MYO5B: variants seen among roughly 807,000 people sequenced by gnomAD.
MYO5B encodes the protein unconventional myosin-Vb.
In MYO5B, 143 loss-of-function variants were observed where a neutral mutation model predicts 229.3. The ratio of observed to expected loss-of-function variants is 0.62; its 90% CI spans 0.54 to 0.72. The LOEUF is 0.72. Among genes scored for constraint, MYO5B ranks in the 30% least tolerant of loss-of-function variants. The pLI is 0.00. For synonymous variants in MYO5B, 918 were observed against 885.2 expected (o/e 1.04, Z -0.66); for missense variants, 2,321 against 2,331.0 (o/e 1.00, Z 0.09).
rs542233560 is a variant in MYO5B, at chr18:49,937,087, T to C, written c.1905+158A>G. 7.2e-5 allele frequency among the ~76,000 whole-genome samples: 11 copies of C among 152,316 alleles called. No individual in the cohort carries two copies. The South Asian group carries it at 2.3e-3, about 32-fold the overall frequency. On this transcript the variant is annotated intron_variant, in intron 15 of 39. Coordinates refer to ENST00000285039, the MANE Select transcript of MYO5B (RefSeq NM_001080467.3). Reference sequence around the variant, plus strand: ...TCCTTGTGGTGAAGGTATTGGAGTTTCCTTCTTCTAAGGACACAAGATAGA... The same window carrying C: ...TCCTTGTGGTGAAGGTATTGGAGTTCCCTTCTTCTAAGGACACAAGATAGA...
intron 4 of MYO5B, among the ~76,000 whole-genome samples, chr18:50,032,179 T>C (rs1367286009): frequency 6.6e-6 from 1 of 152,222 alleles, no homozygotes; most frequent in East Asian, 1.9e-4. Context: ...CCATGTCTTT[T>C]TGTTTATAAT....
At position 49,835,328 on chromosome 18, in the gene MYO5B, C is replaced by T. The variant is rs1358662736; in HGVS notation, c.5394+16G>A. 2.5e-6 allele frequency: 4 copies of T among 1,582,844 alleles called. No homozygotes were observed. Among genetic ancestry groups the T allele is most frequent in the Non-Finnish European group, 3.5e-6 (4 of 1,153,232 alleles). ...TCGTAGACTGGACTTTATAAAATTA[C>T]TATCTTAAAACTCACCTGGATTGTT... On this transcript the variant is annotated intron_variant, in intron 39 of 39. Transcript: ENST00000285039.
At position 49,906,499 on chromosome 18, in the gene MYO5B, C is replaced by G. The variant is rs769200828; in HGVS notation, c.2334G>C (p.Trp778Cys). Residue 778 changes from tryptophan (W) to cysteine (C), a missense_variant, in exon 19 of 40, where the codon TGG (tryptophan) becomes TGC (cysteine). Physicochemically the swap from Trp to Cys is radical, Grantham distance 215 (BLOSUM62 -2). This residue lies in a region of MYO5B where 2,113 missense variants were observed against 2,044.7 expected (regional missense o/e 1.03). Coordinates refer to ENST00000285039, the MANE Select transcript of MYO5B (RefSeq NM_001080467.3). ...TIMIQKTVRG[W>C]LQKVKYHRLK... ...GCCTGTGATATTTCACCTTCTGCAGCCATCCCCGGACAGTTTTCTGGATCA... is the reference window on the plus strand; with the variant it reads ...GCCTGTGATATTTCACCTTCTGCAGGCATCCCCGGACAGTTTTCTGGATCA... 5 of 1,614,202 alleles carry G rather than the reference C, an allele frequency of 3.1e-6. No homozygotes were observed. In the Admixed American group the frequency reaches 8.3e-5, roughly 27 times the overall value.
chr18:49,876,751 G>C (rs2144101285), intron 25 of MYO5B, among the ~76,000 whole-genome samples: 1 of 152,342 alleles, frequency 6.6e-6, no homozygotes, highest in African/African-American at 2.4e-5. Flanking sequence ...CAAGCCAGCA[G>C]TTATGCAAGG....
At chr18:49,953,549 T>C (rs1217196860) in intron 13 of MYO5B, among the ~76,000 whole-genome samples, 1 of 152,204 alleles carries the variant, frequency 6.6e-6, no homozygotes, top group Non-Finnish European at 1.5e-5. Flanking sequence ...AAGAAATTGT[T>C]TTAAAGGGAG....
intron 2 of MYO5B, among the ~76,000 whole-genome samples, chr18:50,042,248 G>A (rs902070844): frequency 5.3e-5 from 8 of 151,958 alleles, no homozygotes; most frequent in African/African-American, 1.9e-4. Flanking sequence ...TATAGATAGT[G>A]AAAGAAAAAC....
At chr18:50,086,311 T>C (rs2144480619) in intron 1 of MYO5B, among the ~76,000 whole-genome samples, 1 of 152,348 alleles carries the variant, frequency 6.6e-6, no homozygotes, top group Non-Finnish European at 1.5e-5. Flanking sequence ...CATATCTATG[T>C]CTGTGTACCA....
At chr18:50,047,517 T>G (rs1251755893) in intron 2 of MYO5B, among the ~76,000 whole-genome samples, 1 of 152,214 alleles carries the variant, frequency 6.6e-6, no homozygotes, top group Non-Finnish European at 1.5e-5. Flanking sequence ...TCAACCATTG[T>G]GGAAGTCAGT....
chr18:49,847,127 T>C lies in MYO5B; in HGVS notation c.4459+19A>G. The C allele has an allele frequency of 6.2e-7, 1 of 1,613,488 alleles. No homozygotes were observed. The highest frequency in any genetic ancestry group is 8.5e-7 in the Non-Finnish European group (1 of 1,179,850). ...TGAAGGAGGGGCAGGCAGCATAGGGTGGCACAGAGGGTCCTTACCTGTCAC... is the reference window on the plus strand; with the variant it reads ...TGAAGGAGGGGCAGGCAGCATAGGGCGGCACAGAGGGTCCTTACCTGTCAC... On this transcript the variant is annotated intron_variant, in intron 33 of 39. Transcript: ENST00000285039.
Position 49,837,557 on chromosome 18 carries a change from G to C in MYO5B, c.5098C>G (p.Arg1700Gly), listed in dbSNP as rs772909385. The C allele has an allele frequency of 1.2e-6, 2 of 1,611,382 alleles. No homozygotes were observed. The highest frequency in any genetic ancestry group is 2.2e-5 in the East Asian group (1 of 44,888). Residue 1700 changes from arginine (R) to glycine (G), a missense_variant, in exon 37 of 40, where the codon CGG (arginine) becomes GGG (glycine). Arg to Gly is a moderately radical substitution (Grantham distance 125, BLOSUM62 -2). This residue lies in a region of MYO5B where 208 missense variants were observed against 286.3 expected (regional missense o/e 0.73). Coordinates refer to ENST00000285039, the MANE Select transcript of MYO5B (RefSeq NM_001080467.3). Reference sequence around the variant, plus strand: ...GTGCTCCAAGAGCAGACGTCCTTCCGCAAGAGCAGGTTGTTAAGAGTCACT... The same window carrying C: ...GTGCTCCAAGAGCAGACGTCCTTCCCCAAGAGCAGGTTGTTAAGAGTCACT... ...NAVTLNNLLL[R>G]KDVCSWSTGM...
chr18:50,172,205 C>T (rs1385500035), intron 1 of MYO5B, among the ~76,000 whole-genome samples: 1 of 148,498 alleles, frequency 6.7e-6, no homozygotes, highest in Non-Finnish European at 1.5e-5. Context: ...CACTTGAGCC[C>T]AGAAGGTCGA....
At chr18:49,855,494 G>A (rs921071621) in intron 30 of MYO5B, among the ~76,000 whole-genome samples, 1 of 152,166 alleles carries the variant, frequency 6.6e-6, no homozygotes, top group Non-Finnish European at 1.5e-5. Context: ...TTCACACAAG[G>A]ATCCTTCCTC....
At chr18:49,943,071 A>G (rs1281893256) in intron 14 of MYO5B, among the ~76,000 whole-genome samples, 1 of 152,070 alleles carries the variant, frequency 6.6e-6, no homozygotes, top group Non-Finnish European at 1.5e-5. Context: ...TTGTAGGGAC[A>G]TGGATAAAGC....
At chr18:50,101,928 C>A (rs935190925) in intron 1 of MYO5B, among the ~76,000 whole-genome samples, 17 of 152,156 alleles carry the variant, frequency 1.1e-4, no homozygotes, top group Non-Finnish European at 5.9e-5. Context: ...TAAAGACACA[C>A]ACACGTATGT....
intron 1 of MYO5B, among the ~76,000 whole-genome samples, chr18:50,089,766 C>G (rs140534673): frequency 6.6e-6 from 1 of 152,302 alleles, no homozygotes; most frequent in African/African-American, 2.4e-5. Flanking sequence ...AGAGCCAGGT[C>G]GGCAACCTTT....
chr18:50,112,084 T>A (rs1241117115), intron 1 of MYO5B, among the ~76,000 whole-genome samples: 2 of 152,210 alleles, frequency 1.3e-5, no homozygotes, highest in African/African-American at 4.8e-5. Flanking sequence ...ACAACCCAAG[T>A]GGGCAAAGGA....
At chr18:50,012,420 A>G (rs2026171823) in intron 4 of MYO5B, among the ~76,000 whole-genome samples, 1 of 152,258 alleles carries the variant, frequency 6.6e-6, no homozygotes, top group South Asian at 2.1e-4. Flanking sequence ...AAGACCACAG[A>G]AACCTTTATT....
At chr18:50,125,328 A>G (rs988206312) in intron 1 of MYO5B, among the ~76,000 whole-genome samples, 3 of 137,510 alleles carry the variant, frequency 2.2e-5, no homozygotes, top group African/African-American at 8.2e-5. Flanking sequence ...CAATGAGAAC[A>G]CTTGGACACA....
intron 18 of MYO5B, 80 bp from the exon 19 acceptor site, chr18:49,906,710 C>T: frequency 7.8e-7 from 1 of 1,279,724 alleles, no homozygotes; most frequent in Non-Finnish European, 1.1e-6. Context: ...TTGTTCTTCC[C>T]ATGCAGAATC....
Sources: allele counts gnomAD v4.1 joint callset (sites outside exome capture counted in the v4.1 genomes callset), GRCh38; gene constraint gnomAD v4.1.1; regional missense constraint gnomAD v4.1.1; transcripts MANE v1.5; gene names NCBI Gene and HGNC (gene_info 2026-07-23, HGNC 2026-07-21).